EPHA6: variants seen among roughly 807,000 people sequenced by gnomAD.
The protein encoded by EPHA6 is EPH receptor A6, also known as ephrin type-A receptor 6.
EPHA6 carries 50 observed loss-of-function variants against 112.0 expected under a neutral mutation model. The ratio of observed to expected loss-of-function variants is 0.45; its 90% confidence interval spans 0.36 to 0.56. The LOEUF (loss-of-function observed/expected upper bound fraction) is 0.56. Ranked by LOEUF, EPHA6 falls within the 20% of genes least tolerant of loss-of-function variation. EPHA6 has a pLI of 0.00. For synonymous variants in EPHA6, 529 were observed against 490.7 expected, an observed-to-expected ratio of 1.08 and a Z score of -1.03; for missense variants, 1,280 against 1,417.4, an observed-to-expected ratio of 0.90 and a Z score of 1.56.
intron 3 of EPHA6, among the ~76,000 whole-genome samples, chr3:97,140,225 T>C (rs2075865794): frequency 6.6e-6 from 1 of 151,926 alleles, no homozygotes; most frequent in South Asian, 2.1e-4. Context: ...ACTAAACCTA[T>C]GAATAATAAG....
intron 2 of EPHA6, among the ~76,000 whole-genome samples, chr3:96,973,937 A>G (rs2042416844): frequency 6.8e-6 from 1 of 146,038 alleles, no homozygotes. Flanking sequence ...TATAATATAT[A>G]ATATAGTGTA....
At chr3:96,897,145 A>G (rs1344445369) in intron 2 of EPHA6, among the ~76,000 whole-genome samples, 2 of 151,916 alleles carry the variant, frequency 1.3e-5, no homozygotes, top group African/African-American at 4.8e-5. Context: ...TATTTTATGT[A>G]TTTTATACTA....
intron 14 of EPHA6, among the ~76,000 whole-genome samples, chr3:97,691,741 C>A (rs1000657659): frequency 1.3e-5 from 2 of 152,152 alleles, no homozygotes; most frequent in Admixed American, 1.3e-4. Context: ...ACTAAAATAT[C>A]CACTGAAACA....
At chr3:96,874,070 T>G (rs2036801682) in intron 2 of EPHA6, among the ~76,000 whole-genome samples, 1 of 152,056 alleles carries the variant, frequency 6.6e-6, no homozygotes, top group African/African-American at 2.4e-5. Context: ...GTCATTACGG[T>G]ATAGCTATAA....
At chr3:97,549,117 C>T (rs941189221) in intron 11 of EPHA6, among the ~76,000 whole-genome samples, 15 of 152,166 alleles carry the variant, frequency 9.9e-5, no homozygotes, top group African/African-American at 3.6e-4. Context: ...TGTGTATTAG[C>T]TAACTATACA....
chr3:96,888,273 A>G (rs2037751919), intron 2 of EPHA6, among the ~76,000 whole-genome samples: 1 of 152,026 alleles, frequency 6.6e-6, no homozygotes, highest in Non-Finnish European at 1.5e-5. Context: ...TGCTTCCCCT[A>G]CCACTGTATT....
At chr3:96,887,582 G>C (rs941500009) in intron 2 of EPHA6, among the ~76,000 whole-genome samples, 3 of 152,188 alleles carry the variant, frequency 2.0e-5, no homozygotes, top group African/African-American at 7.2e-5. Context: ...CCTGCCGGGA[G>C]GTTATGCTCT....
chr3:97,184,429 TAGAG>T (rs568305133), intron 3 of EPHA6, among the ~76,000 whole-genome samples: 9 of 152,014 alleles, frequency 5.9e-5, no homozygotes, highest in South Asian at 2.1e-4. Context: ...AACAGACAAA[TAGAG>T]AGGCAAATCA....
chr3:96,943,799 A>G (rs1341591585), intron 2 of EPHA6, among the ~76,000 whole-genome samples: 1 of 152,210 alleles, frequency 6.6e-6, no homozygotes, highest in African/African-American at 2.4e-5. Flanking sequence ...TTGAGGATGC[A>G]GTGAGGCTAG....
chr3:97,334,101 G>A (rs763537649), intron 5 of EPHA6, among the ~76,000 whole-genome samples: 10 of 151,994 alleles, frequency 6.6e-5, no homozygotes, highest in Non-Finnish European at 1.5e-4. Flanking sequence ...GTCGGTTATA[G>A]TGTTTGACTT....
At chr3:97,293,809 A>G (rs1332636318) in intron 5 of EPHA6, among the ~76,000 whole-genome samples, 1 of 152,168 alleles carries the variant, frequency 6.6e-6, no homozygotes, top group Non-Finnish European at 1.5e-5. Flanking sequence ...TCCTGCTGTC[A>G]TCAACATGTC....
At chr3:97,179,607 A>G (rs569273750) in intron 3 of EPHA6, among the ~76,000 whole-genome samples, 1 of 152,206 alleles carries the variant, frequency 6.6e-6, no homozygotes, top group African/African-American at 2.4e-5. Context: ...TGTGGTTCTT[A>G]CAGACTTTTA....
chr3:97,254,386 C>T (rs2079240290), intron 5 of EPHA6, among the ~76,000 whole-genome samples: 2 of 152,112 alleles, frequency 1.3e-5, no homozygotes, highest in African/African-American at 4.8e-5. Flanking sequence ...GACGGGGTTT[C>T]ACCATGTTAG....
intron 9 of EPHA6, among the ~76,000 whole-genome samples, chr3:97,480,822 A>G (rs58960721): frequency 0.2 from 28,533 of 141,832 alleles, 4,007 homozygotes; most frequent in African/African-American, 0.41. Context: ...GAGCGGAGGG[A>G]CTCCTCACTT....
chr3:97,354,578 A>C (rs955951679), intron 5 of EPHA6, among the ~76,000 whole-genome samples: 1 of 152,130 alleles, frequency 6.6e-6, no homozygotes, highest in African/African-American at 2.4e-5. Flanking sequence ...TAAAAAAGGA[A>C]ATTTTTAATG....
At chr3:97,452,091 T>A (rs1360012974) in intron 7 of EPHA6, among the ~76,000 whole-genome samples, 1 of 151,926 alleles carries the variant, frequency 6.6e-6, no homozygotes, top group Admixed American at 6.6e-5. Context: ...AAAATCATAA[T>A]GTTCTTGACT....
chr3:97,707,605 G>GAGT (rs1170884031), intron 14 of EPHA6, among the ~76,000 whole-genome samples: 10 of 152,210 alleles, frequency 6.6e-5, no homozygotes, highest in Admixed American at 6.5e-4. Context: ...ACCTGAGGAT[G>GAGT]AGTAGACTGT....
At chr3:97,312,847 A>G (rs150896336) in intron 5 of EPHA6, among the ~76,000 whole-genome samples, 4 of 151,442 alleles carry the variant, frequency 2.6e-5, no homozygotes, top group Non-Finnish European at 5.9e-5. Context: ...ATTTTATTTC[A>G]GGAAGAAACT....
rs747061774 is a variant in EPHA6, at chr3:97,757,989, C to T, written c.*9288C>T. On this transcript the variant is annotated 3_prime_UTR_variant, in exon 18 of 18. Coordinates refer to ENST00000389672, the MANE Select transcript of EPHA6 (RefSeq NM_001080448.3). ...TTAGTCTGATATCCCCTAAAATTTG[C>T]TAGAGAAAGCAAACTCTTCTCATGA... Among the ~76,000 whole-genome samples the T allele has an allele frequency of 7.9e-5, 12 of 151,756 alleles. No homozygotes were observed. The highest frequency in any genetic ancestry group is 1.8e-4 in the Non-Finnish European group (12 of 67,772).
Sources: gnomAD v4.1 joint callset for allele counts (sites outside exome capture counted in the v4.1 genomes callset) on GRCh38, gnomAD v4.1.1 for gene constraint, MANE v1.5 for transcripts, NCBI Gene and HGNC (gene_info 2026-07-23, HGNC 2026-07-21) for gene names.